STAG2: variants seen among roughly 807,000 people sequenced by gnomAD.
STAG2 encodes the protein STAG2 cohesin complex component.
In STAG2, 14 loss-of-function variants were observed where a neutral mutation model predicts 108.1. The observed-to-expected ratio is 0.13, with a 90% confidence interval of 0.09 to 0.20. STAG2 has a LOEUF of 0.20. Among genes scored for constraint, STAG2 ranks in the 10% least tolerant of loss-of-function variants. The pLI is 1.00. For synonymous variants in STAG2, 307 were observed against 302.7 expected (o/e 1.01, Z -0.15); for missense variants, 440 against 940.9 (o/e 0.47, Z 6.96).
chrX:124,030,000 T>C (rs1288282299), intron 4 of STAG2, among the ~76,000 whole-genome samples: 2 of 110,887 alleles, frequency 1.8e-5, no homozygotes, highest in Non-Finnish European at 3.8e-5. Flanking sequence ...ACTTTTGTTA[T>C]AATGGGCTTC....
At chrX:124,028,822 A>ATATATT (rs1296806013) in intron 4 of STAG2, among the ~76,000 whole-genome samples, 26 of 38,980 alleles carry the variant, frequency 6.7e-4, no homozygotes, top group African/African-American at 2.8e-3. Flanking sequence ...ATATATATAT[A>ATATATT]TTTTTTTTTT....
intron 7 of STAG2, among the ~76,000 whole-genome samples, chrX:124,044,116 C>T (rs754071783): frequency 9.0e-6 from 1 of 110,860 alleles, no homozygotes; most frequent in East Asian, 2.8e-4. Flanking sequence ...TTAATCACTC[C>T]CCAAGTAGTT....
intron 6 of STAG2, among the ~76,000 whole-genome samples, chrX:124,038,114 G>A (rs1359234465): frequency 8.9e-6 from 1 of 112,483 alleles, no homozygotes; most frequent in African/African-American, 3.2e-5. Context: ...ATTTTGTTGT[G>A]TGTAGTGGTG....
intron 13 of STAG2, among the ~76,000 whole-genome samples, chrX:124,053,711 T>C (rs1202224400): frequency 1.8e-5 from 2 of 111,800 alleles, no homozygotes; most frequent in Non-Finnish European, 3.8e-5. Context: ...AAGGCTTTCA[T>C]GAGCATGACA....
Position 124,065,870 on chromosome X carries a change from T to C in STAG2, c.2026-6T>C. 8.8e-7 allele frequency: 1 copy of C among 1,141,122 alleles called. No individual in the cohort carries two copies. The highest frequency in any genetic ancestry group is 1.8e-5 in the African/African-American group (1 of 54,906). The allele number at this position is 1,141,122 out of a possible 1,213,427, so 94.0% of individuals were successfully genotyped here. On this transcript the variant is annotated splice_polypyrimidine_tract_variant and splice_region_variant and intron_variant, in intron 20 of 34. Coordinates refer to ENST00000371145, the MANE Select transcript of STAG2 (RefSeq NM_001042750.2). ...ATGGTTCTTAATGTATAATTAATAT[T>C]TATAGGGTGAAGAACCTGATGAAGA...
rs768150502 is a variant in STAG2, at chrX:124,031,062, A to G, written c.225A>G (p.Gln75=). Residue 75 remains glutamine, a synonymous_variant, in exon 5 of 35, where the codon CAA becomes CAG. Transcript: ENST00000371145. ...CAAACCGAATGAATGGTCATCACCA[A>G]CAGAATGGAGTGGAAAACATGATGT... is the stretch of plus-strand genomic sequence containing the variant. ...SGPNRMNGHH[Q]QNGVENMMLF... 1.7e-6 allele frequency: 2 copies of G among 1,209,483 alleles called. No individual in the cohort carries two copies. The highest frequency in any genetic ancestry group is 2.3e-4 in the Middle Eastern group (1 of 4,374).
chrX:123,981,330 C>T (rs1006614389), intron 1 of STAG2, among the ~76,000 whole-genome samples: 4 of 110,067 alleles, frequency 3.6e-5, no homozygotes, highest in South Asian at 3.9e-4. Flanking sequence ...TCCCTCCCAC[C>T]TCCCAGCCCC....
intron 1 of STAG2, among the ~76,000 whole-genome samples, chrX:124,005,820 G>A (rs916089378): frequency 7.2e-5 from 8 of 111,230 alleles, no homozygotes; most frequent in African/African-American, 2.6e-4. Context: ...TGTTCTGGAG[G>A]CAAGAAGTCC....
intron 6 of STAG2, among the ~76,000 whole-genome samples, chrX:124,038,199 C>T (rs897066611): frequency 9.0e-6 from 1 of 111,643 alleles, no homozygotes; most frequent in African/African-American, 3.3e-5. Context: ...ACAGAAATTT[C>T]TTCCCTAAGA....
chrX:124,002,613 C>T (rs966257425), intron 1 of STAG2, among the ~76,000 whole-genome samples: 5 of 110,426 alleles, frequency 4.5e-5, no homozygotes, highest in Admixed American at 2.0e-4. Context: ...ATGGCCAGTT[C>T]TGCGTCAGCC....
chrX:124,049,762 C>A (rs5958379), intron 10 of STAG2, among the ~76,000 whole-genome samples: 32 of 111,915 alleles, frequency 2.9e-4, no homozygotes, highest in African/African-American at 1.0e-3. Flanking sequence ...CCAGTACTTA[C>A]AAGATGAATT....
In STAG2 at chrX:123,999,065, C is replaced by T. The variant is rs187483510; in HGVS notation, c.-162-22302C>T. On this transcript the variant is annotated intron_variant, in intron 1 of 34. Coordinates refer to ENST00000371145, the MANE Select transcript of STAG2 (RefSeq NM_001042750.2). Reference sequence around the variant, plus strand: ...CCCAGGAGTTCGAGGTGACAGTGCTCTCCAGCCTGGGTGACAGTGAGACTC... The same window carrying T: ...CCCAGGAGTTCGAGGTGACAGTGCTTTCCAGCCTGGGTGACAGTGAGACTC... Among the ~76,000 whole-genome samples, 18 of 111,815 alleles carry T rather than the reference C, an allele frequency of 1.6e-4. No homozygotes were observed. The East Asian group carries it at 5.1e-3, about 31-fold the overall frequency.
intron 15 of STAG2, among the ~76,000 whole-genome samples, chrX:124,059,972 G>A (rs758112228): frequency 9.0e-6 from 1 of 111,328 alleles, no homozygotes; most frequent in African/African-American, 3.3e-5. Context: ...CGGTTTGCCA[G>A]TTTTTGAGGG....
chrX:123,961,118 C>T (rs2053829323), upstream of STAG2: 1 of 107,034 alleles, frequency 9.3e-6, no homozygotes. Context: ...CCCCGCCCTC[C>T]TTTCTCCCTT....
chrX:123,962,025 T>G (rs1395026507), intron 1 of STAG2, 169 bp downstream of exon 1: 2 of 112,383 alleles, frequency 1.8e-5, no homozygotes, highest in Admixed American at 1.9e-4. Flanking sequence ...CACTTTTGTT[T>G]TAGTTTTAGT....
chrX:124,025,860 C>T lies in STAG2; in HGVS notation c.65C>T (p.Ser22Phe). The T allele has an allele frequency of 1.7e-6, 2 of 1,184,873 alleles. No individual in the cohort carries two copies. The highest frequency in any genetic ancestry group is 1.1e-6 in the Non-Finnish European group (1 of 880,644). Residue 22 changes from serine to phenylalanine, a missense_variant, in exon 4 of 35, where the codon TCT becomes TTT. This residue lies in a region of STAG2 where 34 missense variants were observed against 36.7 expected (regional missense o/e 0.93). Coordinates refer to ENST00000371145, the MANE Select transcript of STAG2 (RefSeq NM_001042750.2). ...NLLQESETHF[S>F]SDTDFEDIEG... Reference sequence around the variant, plus strand: ...CACAGGGAGTCAGAAACACATTTTTCTTCTGACACAGATTTTGAAGATATC... The same window carrying T: ...CACAGGGAGTCAGAAACACATTTTTTTTCTGACACAGATTTTGAAGATATC...
intron 5 of STAG2, among the ~76,000 whole-genome samples, chrX:124,034,266 A>G (rs1029091294): frequency 8.9e-6 from 1 of 111,857 alleles, no homozygotes; most frequent in African/African-American, 3.2e-5. Flanking sequence ...TCCTGGGCTC[A>G]AGCAATCCTC....
At chrX:124,073,693 G>A (rs140297607) in intron 25 of STAG2, among the ~76,000 whole-genome samples, 1,299 of 111,560 alleles carry the variant, frequency 0.012, 6 homozygotes, top group Non-Finnish European at 0.017. Flanking sequence ...AAGGTGCTGG[G>A]ATTACAGATG....
intron 1 of STAG2, among the ~76,000 whole-genome samples, chrX:123,975,550 G>T (rs1247714212): frequency 8.9e-6 from 1 of 111,936 alleles, no homozygotes; most frequent in Non-Finnish European, 1.9e-5. Context: ...GGCAACCTCC[G>T]CCTCCTGGGT....
Sources: allele counts gnomAD v4.1 joint callset (sites outside exome capture counted in the v4.1 genomes callset), GRCh38; gene constraint gnomAD v4.1.1; regional missense constraint gnomAD v4.1.1; transcripts MANE v1.5; gene names NCBI Gene and HGNC (gene_info 2026-07-23, HGNC 2026-07-21).